Variants in CFAP20DC observed in about 807,000 individuals in gnomAD.
CFAP20DC encodes protein CFAP20DC.
Under a neutral mutation model 101.7 loss-of-function variants are expected in CFAP20DC, and 84 were observed. That is an observed-to-expected ratio of 0.83 (90% confidence interval 0.69 to 0.99). The LOEUF (loss-of-function observed/expected upper bound fraction) is 0.99. Among genes scored for constraint, CFAP20DC ranks in the 50% least tolerant of loss-of-function variants. CFAP20DC has a pLI of 0.00. For missense variants in CFAP20DC, 1,007 were observed against 970.3 expected (o/e 1.04, Z -0.50); for synonymous variants, 359 against 351.2 (o/e 1.02, Z -0.25).
chr3:58,719,080 CA>C (rs1243316480), intron 3 of CFAP20DC, among the ~76,000 whole-genome samples: 7 of 151,800 alleles, frequency 4.6e-5, no homozygotes, highest in Admixed American at 1.3e-4. Flanking sequence ...CTCGTCTCTA[CA>C]AAAAAATAAA....
chr3:58,997,494 A>G (rs1333484466), intron 4 of CFAP20DC, among the ~76,000 whole-genome samples: 1 of 152,200 alleles, frequency 6.6e-6, no homozygotes, highest in African/African-American at 2.4e-5. Flanking sequence ...TCCCAAAGAC[A>G]AAGGCTGTAC....
Position 58,866,662 on chromosome 3 carries a change from C to G in CFAP20DC, c.1162G>C (p.Glu388Gln). The G allele has an allele frequency of 6.3e-7, 1 of 1,592,860 alleles. No homozygotes were observed. The highest frequency in any genetic ancestry group is 8.6e-7 in the Non-Finnish European group (1 of 1,161,108). Residue 388 changes from glutamate to glutamine, a missense_variant, in exon 11 of 17, where the codon GAA becomes CAA. Transcript: ENST00000482387. ...SGSSSGNNRI[E>Q]DKASTILTTV... ...GTGAGGATAGTTGATGCTTTATCTT[C>G]AATCCTATTATTTCCTGAAGAGCTA...
At chr3:59,046,627 A>G (rs2109317704) in intron 2 of CFAP20DC, among the ~76,000 whole-genome samples, 1 of 152,278 alleles carries the variant, frequency 6.6e-6, no homozygotes, top group Middle Eastern at 3.4e-3. Flanking sequence ...AATTAAATCA[A>G]TAAATAAAGC....
intron 14 of CFAP20DC, among the ~76,000 whole-genome samples, chr3:58,821,737 C>T (rs1342383978): frequency 7.0e-4 from 105 of 151,036 alleles, no homozygotes; most frequent in Middle Eastern, 3.4e-3. Flanking sequence ...GTCAGTGTGG[C>T]GATTCCTCAG....
chr3:58,871,270 G>T (rs902330323), intron 7 of CFAP20DC, among the ~76,000 whole-genome samples: 1 of 152,188 alleles, frequency 6.6e-6, no homozygotes, highest in African/African-American at 2.4e-5. Context: ...TGGGAGTCAG[G>T]AAGTGGCTGG....
intron 4 of CFAP20DC, among the ~76,000 whole-genome samples, chr3:59,038,916 C>A (rs1043332825): frequency 2.0e-5 from 3 of 152,000 alleles, no homozygotes; most frequent in African/African-American, 7.2e-5. Flanking sequence ...AAATAGCATA[C>A]CTTAAATGTA....
At chr3:58,957,996 A>G (rs557064946) in intron 4 of CFAP20DC, among the ~76,000 whole-genome samples, 1 of 152,314 alleles carries the variant, frequency 6.6e-6, no homozygotes, top group East Asian at 1.9e-4. Context: ...CTAAAAGTAT[A>G]ATTAGATTAT....
At chr3:58,776,918 G>C (rs547369406) in intron 15 of CFAP20DC, among the ~76,000 whole-genome samples, 4 of 151,958 alleles carry the variant, frequency 2.6e-5, no homozygotes, top group African/African-American at 9.7e-5. Flanking sequence ...TCAACCTCTG[G>C]ACTCTTCCAC....
At position 58,799,803 on chromosome 3, in the gene CFAP20DC, G is replaced by A. The variant is rs559258909; in HGVS notation, c.2237+6592C>T. The stretch of plus-strand genomic sequence containing the variant: ...ACAAACAAGGAAACATCAGTTAGTG[G>A]AATAATGTGATGAAAACAAAAAAGA... On this transcript the variant is annotated intron_variant, in intron 15 of 16. Transcript: ENST00000482387. This position sits in a 1 kb window ranked among gnomAD's most constrained non-coding sequence, Gnocchi z 4.9. 4.6e-5 allele frequency among the ~76,000 whole-genome samples: 7 copies of A among 151,688 alleles called. No individual in the cohort carries two copies. In the East Asian group the frequency reaches 1.4e-3, roughly 29 times the overall value.
rs1347282091 is a variant in CFAP20DC, at chr3:58,891,188, C to T, written c.551-6479G>A. On this transcript the variant is annotated intron_variant, in intron 6 of 16. Transcript: ENST00000482387. ...CTGCAATCCCGGCACCTTGGGAGGC[C>T]GAGGCTGGCGGATCACTCGCGGTTA... is the stretch of plus-strand genomic sequence containing the variant. 1.6e-4 allele frequency among the ~76,000 whole-genome samples: 24 copies of T among 151,960 alleles called. No individual in the cohort carries two copies. The East Asian group carries it at 3.1e-3, about 20-fold the overall frequency.
At chr3:58,855,280 C>T (rs1301688598) in intron 12 of CFAP20DC, among the ~76,000 whole-genome samples, 1 of 152,136 alleles carries the variant, frequency 6.6e-6, no homozygotes, top group East Asian at 1.9e-4. Context: ...CTCAGAACCA[C>T]AATGAGATAC....
intron 15 of CFAP20DC, among the ~76,000 whole-genome samples, chr3:58,787,025 T>C (rs1049072101): frequency 6.6e-6 from 1 of 151,802 alleles, no homozygotes; most frequent in African/African-American, 2.4e-5. Context: ...CCCCTGTAGA[T>C]AAGGGGGGGC....
intron 5 of CFAP20DC, among the ~76,000 whole-genome samples, chr3:58,931,340 G>A (rs566084761): frequency 2.0e-5 from 3 of 152,324 alleles, no homozygotes; most frequent in Admixed American, 6.5e-5. Context: ...ACCTTTGGGG[G>A]CAGGGCACAG....
At chr3:58,872,463 G>A (rs912539233) in intron 7 of CFAP20DC, among the ~76,000 whole-genome samples, 1 of 152,164 alleles carries the variant, frequency 6.6e-6, no homozygotes, top group Non-Finnish European at 1.5e-5. Context: ...GAAGTAGTGT[G>A]TGTATGTATG....
At chr3:58,815,306 T>G (rs1457757056) in intron 14 of CFAP20DC, among the ~76,000 whole-genome samples, 1,520 of 149,214 alleles carry the variant, frequency 0.01, 44 homozygotes, top group African/African-American at 0.036. Context: ...GCTAGCCATA[T>G]GTAGAAAGCT....
chr3:58,847,276 G>A (rs1184460164), intron 13 of CFAP20DC, among the ~76,000 whole-genome samples: 1 of 138,174 alleles, frequency 7.2e-6, no homozygotes, highest in Non-Finnish European at 1.6e-5. Flanking sequence ...TCTGACAAAG[G>A]GCTAATATCC....
intron 6 of CFAP20DC, among the ~76,000 whole-genome samples, chr3:58,887,852 G>A (rs2081788473): frequency 6.6e-6 from 1 of 152,200 alleles, no homozygotes; most frequent in South Asian, 2.1e-4. Flanking sequence ...AAAAACACTG[G>A]TTGATTATTT....
At chr3:58,857,562 T>C (rs1177002020) in intron 12 of CFAP20DC, among the ~76,000 whole-genome samples, 1 of 152,202 alleles carries the variant, frequency 6.6e-6, no homozygotes. Flanking sequence ...TACATTTCCA[T>C]GCTATTTTAA....
intron 4 of CFAP20DC, among the ~76,000 whole-genome samples, chr3:58,986,153 T>A (rs866450001): frequency 2.6e-5 from 4 of 152,302 alleles, no homozygotes; most frequent in Middle Eastern, 3.4e-3. Context: ...AAATGAACCT[T>A]CAATTCATAC....
Sources: gnomAD v4.1 joint callset for allele counts (sites outside exome capture counted in the v4.1 genomes callset) on GRCh38, gnomAD v4.1.1 for gene constraint, Gnocchi (gnomAD v3.1) non-coding constraint, MANE v1.5 for transcripts, NCBI Gene and HGNC (gene_info 2026-07-23, HGNC 2026-07-21) for gene names.